Variants in CPQ observed in about 807,000 individuals in gnomAD.
The protein encoded by CPQ is Ser-Met dipeptidase.
A neutral mutation model predicts 45.7 loss-of-function variants in CPQ; 37 were observed. That is an observed-to-expected ratio of 0.81 (90% CI 0.62 to 1.07). The LOEUF is 1.07. Ranked by LOEUF, CPQ falls within the 50% of genes least tolerant of loss-of-function variation. CPQ has a pLI of 0.00. For synonymous variants in CPQ, 186 were observed against 205.8 expected, an observed-to-expected ratio of 0.90 and a Z score of 0.82; for missense variants, 537 against 572.9, an observed-to-expected ratio of 0.94 and a Z score of 0.64.
intron 6 of CPQ, among the ~76,000 whole-genome samples, chr8:97,052,960 T>G (rs1394824230): frequency 1.3e-5 from 2 of 152,228 alleles, no homozygotes; most frequent in Non-Finnish European, 2.9e-5. Flanking sequence ...ATTGTGGAAC[T>G]GTAGGTTTTC....
At chr8:96,976,010 T>C (rs1438322573) in intron 5 of CPQ, among the ~76,000 whole-genome samples, 1 of 151,934 alleles carries the variant, frequency 6.6e-6, no homozygotes, top group Non-Finnish European at 1.5e-5. Flanking sequence ...AAGAAAAAGA[T>C]ATCAAGTGCA....
At chr8:97,115,073 C>A (rs1304095422) in intron 7 of CPQ, among the ~76,000 whole-genome samples, 1 of 152,108 alleles carries the variant, frequency 6.6e-6, no homozygotes, top group East Asian at 1.9e-4. Flanking sequence ...ATTTGCTGAA[C>A]CAGAAAGGGG....
At chr8:96,797,912 G>A (rs1242072249) in intron 2 of CPQ, among the ~76,000 whole-genome samples, 5 of 151,948 alleles carry the variant, frequency 3.3e-5, no homozygotes, top group Non-Finnish European at 7.4e-5. Flanking sequence ...TTAGCCAGGC[G>A]TTGTGGCAGG....
intron 7 of CPQ, among the ~76,000 whole-genome samples, chr8:97,084,808 T>C (rs1811012619): frequency 7.2e-6 from 1 of 138,538 alleles, no homozygotes; most frequent in South Asian, 2.2e-4. Context: ...GATGTGTGTA[T>C]ACTCTGTGTG....
At chr8:97,142,589 C>G (rs1004780874) in intron 7 of CPQ, among the ~76,000 whole-genome samples, 4 of 152,186 alleles carry the variant, frequency 2.6e-5, no homozygotes, top group African/African-American at 9.6e-5. Context: ...GTTACTTATA[C>G]AAATAAAAGT....
chr8:97,060,800 C>A (rs921599015), intron 6 of CPQ, among the ~76,000 whole-genome samples: 1 of 152,166 alleles, frequency 6.6e-6, no homozygotes, highest in Non-Finnish European at 1.5e-5. Context: ...CAAATCTATA[C>A]TGAGTGTGTC....
chr8:96,821,126 ATTTTTTTTT>A (rs572906188), intron 2 of CPQ, among the ~76,000 whole-genome samples: 147 of 60,952 alleles, frequency 2.4e-3, no homozygotes, highest in East Asian at 0.01. Context: ...TTTAATCTGA[ATTTTTTTTT>A]TTTTTTTTTT....
intron 1 of CPQ, among the ~76,000 whole-genome samples, chr8:96,764,985 C>T (rs1276906600): frequency 2.0e-5 from 3 of 152,224 alleles, no homozygotes; most frequent in Non-Finnish European, 4.4e-5. Context: ...TTCAGTAAAA[C>T]CAGCCTTTGC....
intron 6 of CPQ, among the ~76,000 whole-genome samples, chr8:97,030,887 G>A (rs1809889604): frequency 6.6e-6 from 1 of 152,108 alleles, no homozygotes; most frequent in Non-Finnish European, 1.5e-5. Context: ...GGGAGGAGGT[G>A]GGTACTGCAC....
intron 5 of CPQ, among the ~76,000 whole-genome samples, chr8:97,014,376 C>T (rs939325598): frequency 3.9e-5 from 6 of 151,990 alleles, no homozygotes; most frequent in Non-Finnish European, 7.4e-5. Flanking sequence ...AGTGGTCAGG[C>T]GCAGTGGCTC....
chr8:96,864,617 C>CTTGT (rs5893400), intron 3 of CPQ, among the ~76,000 whole-genome samples: 92,775 of 151,420 alleles, frequency 0.61, 29,060 homozygotes, highest in African/African-American at 0.75. Flanking sequence ...CCAAAAGGGT[C>CTTGT]ACAAACCAGG....
chr8:96,654,986 T>C (rs1224415702), intron 1 of CPQ, among the ~76,000 whole-genome samples: 1 of 152,124 alleles, frequency 6.6e-6, no homozygotes, highest in Non-Finnish European at 1.5e-5. Context: ...AAACCCTGTT[T>C]AGGCAGGTAT....
chr8:96,714,830 T>C (rs1043204076), intron 1 of CPQ, among the ~76,000 whole-genome samples: 2 of 152,200 alleles, frequency 1.3e-5, no homozygotes, highest in African/African-American at 4.8e-5. Context: ...TCCCTCTTGA[T>C]GATGCGACTT....
chr8:96,884,356 T>A (rs781087959), intron 4 of CPQ, among the ~76,000 whole-genome samples: 2 of 152,194 alleles, frequency 1.3e-5, no homozygotes, highest in Non-Finnish European at 1.5e-5. Flanking sequence ...TTTTTTCTTC[T>A]GGTCTTTTCC....
intron 6 of CPQ, among the ~76,000 whole-genome samples, chr8:97,049,121 G>C (rs1221054434): frequency 6.6e-6 from 1 of 152,210 alleles, no homozygotes; most frequent in African/African-American, 2.4e-5. Flanking sequence ...CATGAGTGAA[G>C]TAATAAATTA....
chr8:96,729,845 G>A (rs1340729821), intron 1 of CPQ, among the ~76,000 whole-genome samples: 1 of 148,988 alleles, frequency 6.7e-6, no homozygotes, highest in Non-Finnish European at 1.5e-5. Flanking sequence ...AATTTCTTAT[G>A]TGTGTGTGTT....
intron 5 of CPQ, among the ~76,000 whole-genome samples, chr8:97,001,721 CTTTT>C (rs61282246): frequency 3.5e-4 from 32 of 92,092 alleles, no homozygotes; most frequent in Non-Finnish European, 5.3e-4. Context: ...TTCTTTCTTT[CTTTT>C]TTTTTTTTTT....
intron 4 of CPQ, among the ~76,000 whole-genome samples, chr8:96,888,738 T>C (rs973089322): frequency 2.6e-5 from 4 of 152,242 alleles, no homozygotes; most frequent in African/African-American, 7.2e-5. Flanking sequence ...TTTTTGATCA[T>C]GGAACACTGT....
intron 7 of CPQ, chr8:97,092,346 A>G (rs1315725382): frequency 6.6e-6 from 1 of 152,194 alleles, no homozygotes; most frequent in Non-Finnish European, 1.5e-5. Context: ...GAGGTGATGC[A>G]TTCCTTTTCC....
Sources: gnomAD v4.1 joint callset for allele counts (sites outside exome capture counted in the v4.1 genomes callset) on GRCh38, gnomAD v4.1.1 for gene constraint, MANE v1.5 for transcripts, NCBI Gene and HGNC (gene_info 2026-07-23, HGNC 2026-07-21) for gene names.